CCDC30: variants seen among roughly 807,000 people sequenced by gnomAD.
CCDC30 encodes the protein coiled-coil domain-containing protein 30.
CCDC30 carries 70 observed loss-of-function variants against 100.2 expected under a neutral mutation model. The observed-to-expected ratio is 0.70, with a 90% CI of 0.58 to 0.85. The LOEUF is 0.85. Ranked by LOEUF, CCDC30 falls within the 40% of genes least tolerant of loss-of-function variation. The pLI is 0.00. For synonymous variants in CCDC30, 233 were observed against 269.5 expected (o/e 0.86, Z 1.33); for missense variants, 652 against 771.2 (o/e 0.85, Z 1.83).
chr1:42,526,831 T>C (rs1644730861), intron 6 of CCDC30, among the ~76,000 whole-genome samples: 1 of 152,210 alleles, frequency 6.6e-6, no homozygotes, highest in Non-Finnish European at 1.5e-5. Flanking sequence ...GTTTGTCTTA[T>C]AGAATGAAAC....
chr1:42,564,158 T>G (rs1405209939), intron 6 of CCDC30, among the ~76,000 whole-genome samples: 1 of 152,218 alleles, frequency 6.6e-6, no homozygotes, highest in Non-Finnish European at 1.5e-5. Flanking sequence ...ATCTTATCTA[T>G]TGAATTGTAT....
At position 42,530,140 on chromosome 1, in the gene CCDC30, G is replaced by A. The variant is rs111967142; in HGVS notation, c.456+31224G>A. On this transcript the variant is annotated intron_variant, in intron 6 of 16. Transcript: ENST00000668663. ...TGATCCAAGATCACTCAAAGCAGAT[G>A]ACTCTACTTTTCAAGTATCATCAGA... Among the ~76,000 whole-genome samples, 923 of 152,232 alleles carry A rather than the reference G, an allele frequency of 6.1e-3. 6 individuals carry two copies. The highest frequency in any genetic ancestry group is 0.021 in the African/African-American group (861 of 41,530).
At chr1:42,517,858 G>C (rs865904877) in intron 6 of CCDC30, among the ~76,000 whole-genome samples, 44 of 152,288 alleles carry the variant, frequency 2.9e-4, no homozygotes, top group Middle Eastern at 3.4e-3. Context: ...TTATGACACT[G>C]TTTTGAACAC....
In CCDC30 at chr1:42,611,050, G is replaced by T. The variant is rs781375506; in HGVS notation, c.1237G>T (p.Glu413Ter). 5 of 1,611,878 alleles carry T rather than the reference G, an allele frequency of 3.1e-6. No individual in the cohort carries two copies. Among genetic ancestry groups the T allele is most frequent in the Middle Eastern group, 1.7e-4 (1 of 6,054 alleles). ...GCAAGAGAAGGAAGCTCTACGTGAA[G>T]AATATTTGCGATTATTGAAGCTGCT... is the stretch of plus-strand genomic sequence containing the variant. Residue 413 changes from glutamate to a stop codon, truncating the protein, a stop_gained, in exon 11 of 17, where the codon GAA becomes TAA. Coordinates refer to ENST00000668663, the Ensembl canonical transcript of CCDC30. LOFTEE classifies it high-confidence loss of function.
chr1:42,608,427 C>A (rs1014119737), intron 10 of CCDC30, among the ~76,000 whole-genome samples: 1 of 152,228 alleles, frequency 6.6e-6, no homozygotes, highest in African/African-American at 2.4e-5. Context: ...TCTGGCCGGG[C>A]ACTGTGGCTC....
At chr1:42,590,765 C>T (rs568151662) in intron 10 of CCDC30, 1 of 151,890 alleles carries the variant, frequency 6.6e-6, no homozygotes, top group African/African-American at 2.4e-5. Context: ...AAGTTTGTAA[C>T]TTCTTAGAGA....
intron 7 of CCDC30, among the ~76,000 whole-genome samples, chr1:42,572,784 T>C (rs11210674): frequency 0.2 from 30,426 of 151,964 alleles, 3,360 homozygotes; most frequent in South Asian, 0.42. Context: ...GCCTGGCTAA[T>C]TTTTTTGTAC....
intron 15 of CCDC30, among the ~76,000 whole-genome samples, chr1:42,653,091 A>G (rs1277619156): frequency 6.6e-6 from 1 of 152,186 alleles, no homozygotes; most frequent in East Asian, 1.9e-4. Context: ...CAATATCTCC[A>G]AAATTTATAT....
chr1:42,538,974 T>G (rs191099262), intron 6 of CCDC30, among the ~76,000 whole-genome samples, 199 bp from the exon 8 acceptor site: 99 of 151,778 alleles, frequency 6.5e-4, no homozygotes, highest in African/African-American at 2.2e-3. Context: ...GCTCAGTTTA[T>G]TTAATTGATT....
In CCDC30 at chr1:42,512,190, G is replaced by A. The variant is rs918257296; in HGVS notation, c.456+13274G>A. Among the ~76,000 whole-genome samples, 4 of 152,180 alleles carry A rather than the reference G, an allele frequency of 2.6e-5. No individual in the cohort carries two copies. In the East Asian group the frequency reaches 7.7e-4, roughly 29 times the overall value. Reference sequence around the variant, plus strand: ...CTTAAGTGGTTTTCCACCCTGGGTGGGCCAGGTGTTCCTTGCCCTCATTCT... The same window carrying A: ...CTTAAGTGGTTTTCCACCCTGGGTGAGCCAGGTGTTCCTTGCCCTCATTCT... On this transcript the variant is annotated intron_variant, in intron 6 of 16. Coordinates refer to ENST00000668663, the Ensembl canonical transcript of CCDC30.
At chr1:42,577,158 A>G (rs1645856939) in exon 8 of CCDC30, 1 of 1,614,182 alleles carries the variant, frequency 6.2e-7, no homozygotes. Flanking sequence ...CACTCAGAGC[A>G]TTAAATCACA....
intron 11 of CCDC30, among the ~76,000 whole-genome samples, chr1:42,615,572 G>T (rs1179529534): frequency 6.6e-6 from 1 of 151,880 alleles, no homozygotes; most frequent in Non-Finnish European, 1.5e-5. Flanking sequence ...ATCCCTGCTG[G>T]GATTAAAGGT....
intron 9 of CCDC30, among the ~76,000 whole-genome samples, chr1:42,581,875 TG>T (rs1397902543): frequency 1.3e-5 from 2 of 152,086 alleles, no homozygotes; most frequent in Non-Finnish European, 2.9e-5. Context: ...GTTGATATTC[TG>T]TACGAGGGGA....
At chr1:42,560,882 T>C (rs1645473159) in intron 6 of CCDC30, among the ~76,000 whole-genome samples, 1 of 152,160 alleles carries the variant, frequency 6.6e-6, no homozygotes, top group Admixed American at 6.5e-5. Context: ...CCTGGTTGCA[T>C]ACACCCTACC....
At chr1:42,489,384 A>T (rs1283092156) in intron 3 of CCDC30, among the ~76,000 whole-genome samples, 1 of 152,214 alleles carries the variant, frequency 6.6e-6, no homozygotes, top group Non-Finnish European at 1.5e-5. Flanking sequence ...GTATTGCTAT[A>T]GTTAGGAATG....
chr1:42,607,632 T>C (rs12025395), intron 10 of CCDC30, among the ~76,000 whole-genome samples: 36,318 of 149,792 alleles, frequency 0.24, 4,872 homozygotes, highest in South Asian at 0.46. Context: ...TTTTTGAATG[T>C]GGGTGAAAGT....
At chr1:42,579,598 C>T (rs1464945293) in intron 8 of CCDC30, among the ~76,000 whole-genome samples, 2 of 151,862 alleles carry the variant, frequency 1.3e-5, no homozygotes, top group Admixed American at 6.6e-5. Flanking sequence ...CACACCATTG[C>T]ACTCCAGCCT....
At chr1:42,583,780 TGCATCTTATGCTAGA>T (rs1646014867) in intron 9 of CCDC30, among the ~76,000 whole-genome samples, 1 of 152,226 alleles carries the variant, frequency 6.6e-6, no homozygotes, top group African/African-American at 2.4e-5. Context: ...GCGTCATCTT[TGCATCTTATGCTAGA>T]GCTTGAAGTC....
chr1:42,459,406 C>T, upstream of CCDC30: 1 of 590,252 alleles, frequency 1.7e-6, no homozygotes. Context: ...AGCGATCCAC[C>T]CATCCTGGCC....
Sources: gnomAD v4.1 joint callset for allele counts (sites outside exome capture counted in the v4.1 genomes callset) on GRCh38, gnomAD v4.1.1 for gene constraint, MANE v1.5 for transcripts, NCBI Gene and HGNC (gene_info 2026-07-23, HGNC 2026-07-21) for gene names.